The following HIPK1 variants were observed in gnomAD, a reference collection of about 807,000 sequenced individuals.
HIPK1 encodes the protein homeodomain-interacting protein kinase 1.
In HIPK1, 28 loss-of-function variants were observed where a neutral mutation model predicts 117.1. The observed-to-expected ratio is 0.24, with a 90% CI of 0.18 to 0.33. HIPK1 has a LOEUF of 0.33. HIPK1 is among the 10% of genes least tolerant of loss of function. The probability of loss-of-function intolerance (pLI) is 1.00; values close to 1 mark genes in which losing one functional copy is unlikely to be tolerated. For synonymous variants in HIPK1, 605 were observed against 562.5 expected, an observed-to-expected ratio of 1.08 and a Z score of -1.07; for missense variants, 1,122 against 1,475.1, an observed-to-expected ratio of 0.76 and a Z score of 3.92.
At chr1:113,938,053 G>A (rs1462878290) in intron 1 of HIPK1, among the ~76,000 whole-genome samples, 1 of 151,514 alleles carries the variant, frequency 6.6e-6, no homozygotes, top group East Asian at 1.9e-4. Context: ...TAGCCTCAAT[G>A]TCCCAGACTC....
chr1:113,952,717 C>T, intron 2 of HIPK1, 49 bp from the exon 3 acceptor site: 1 of 1,308,190 alleles, frequency 7.6e-7, no homozygotes, highest in Non-Finnish European at 1.0e-6. Context: ...GTTAATTTTC[C>T]CAAATAATGT....
At chr1:113,960,702 T>C (rs1050979944) in intron 8 of HIPK1, among the ~76,000 whole-genome samples, 13 of 152,238 alleles carry the variant, frequency 8.5e-5, no homozygotes, top group Non-Finnish European at 1.5e-5. Flanking sequence ...GAAGCATGGC[T>C]GGCAACTTTT....
intron 5 of HIPK1, among the ~76,000 whole-genome samples, 158 bp from the exon 6 acceptor site, chr1:113,956,469 C>T (rs936139417): frequency 6.6e-6 from 1 of 152,170 alleles, no homozygotes; most frequent in African/African-American, 2.4e-5. Context: ...AAAGAGCTTC[C>T]TCCTCTGAAA....
intron 3 of HIPK1, chr1:113,953,865 C>G (rs1261575345): frequency 2.0e-5 from 3 of 151,888 alleles, no homozygotes; most frequent in Non-Finnish European, 4.4e-5. Flanking sequence ...GATGTAAGCT[C>G]CTTGAGGGTA....
intron 2 of HIPK1, among the ~76,000 whole-genome samples, chr1:113,949,515 C>G (rs1671207330): frequency 6.6e-6 from 1 of 152,070 alleles, no homozygotes; most frequent in Admixed American, 6.6e-5. Flanking sequence ...TGAGATTTCA[C>G]TGAACTCTGA....
intron 7 of HIPK1, among the ~76,000 whole-genome samples, chr1:113,957,651 C>T (rs1671813477): frequency 6.6e-6 from 1 of 152,124 alleles, no homozygotes; most frequent in Non-Finnish European, 1.5e-5. Context: ...CAGTCATTAA[C>T]TTTAAGGGTG....
Position 113,968,309 on chromosome 1 carries a change from A to G in HIPK1, c.2565-133A>G, listed in dbSNP as rs900788320. The G allele has an allele frequency of 7.1e-6, 5 of 700,930 alleles. No homozygotes were observed. The African/African-American group carries it at 7.2e-5, about 10-fold the overall frequency. The allele number at this position is 700,930 out of a possible 1,614,324, so 43.4% of individuals were successfully genotyped here. A position where few individuals can be genotyped will look rare whatever the true frequency, so the allele number is the denominator to read the frequency against. On this transcript the variant is annotated intron_variant, in intron 12 of 15. Coordinates refer to ENST00000426820, the MANE Select transcript of HIPK1 (RefSeq NM_198268.3). ...GGTGCTTATTTTCACTGGAACTTAT[A>G]TAGTTAAATGTATTTGCTTAATGAT... is the stretch of plus-strand genomic sequence containing the variant.
rs1202978818 is a variant in HIPK1, at chr1:113,956,712, T to C, written c.1493T>C (p.Met498Thr). Residue 498 changes from methionine (M) to threonine (T), a missense_variant, in exon 6 of 16, where the codon ATG becomes ACG. Transcript: ENST00000426820. ...RREYIDLLKK[M>T]LTIDADKRIT... ...GAATACATTGATCTGTTAAAGAAAA[T>C]GCTCACAATTGATGCAGATAAGAGA... is the stretch of plus-strand genomic sequence containing the variant. 6.2e-7 allele frequency: 1 copy of C among 1,613,860 alleles called. No homozygotes were observed. Among genetic ancestry groups the C allele is most frequent in the Non-Finnish European group, 8.5e-7 (1 of 1,179,870 alleles).
Position 113,973,985 on chromosome 1 carries a change from T to C in HIPK1, c.*473T>C, listed in dbSNP as rs1673009872. 6.5e-6 allele frequency: 1 copy of C among 152,876 alleles called. No homozygotes were observed. Among genetic ancestry groups the C allele is most frequent in the Non-Finnish European group, 1.5e-5 (1 of 68,402 alleles). 9.5% of individuals were successfully genotyped at this position (152,876 alleles called of 1,614,324 possible). On this transcript the variant is annotated 3_prime_UTR_variant, in exon 16 of 16. Transcript: ENST00000426820. ...GATGACAAAAAAAGAAAAATTACTT[T>C]TTGTTTGTTTATAAACTCAGACTTG...
intron 2 of HIPK1, among the ~76,000 whole-genome samples, chr1:113,948,886 G>A (rs1290330659): frequency 6.6e-6 from 1 of 152,032 alleles, no homozygotes; most frequent in African/African-American, 2.4e-5. Flanking sequence ...CGCCCAGTCT[G>A]GAGTGAATTG....
At chr1:113,957,373 T>C in intron 7 of HIPK1, 87 bp downstream of exon 7, 1 of 1,070,126 alleles carries the variant, frequency 9.3e-7, no homozygotes, top group Non-Finnish European at 1.3e-6. Flanking sequence ...CCAATTTTTG[T>C]TTTGGTGGTC....
At chr1:113,967,478 G>C (rs1230715369) in intron 11 of HIPK1, among the ~76,000 whole-genome samples, 1 of 152,128 alleles carries the variant, frequency 6.6e-6, no homozygotes, top group Non-Finnish European at 1.5e-5. Flanking sequence ...AATGATCAGA[G>C]ATGTTGAGCA....
At chr1:113,968,076 A>T in intron 12 of HIPK1, 128 bp downstream of exon 12, 1 of 779,960 alleles carries the variant, frequency 1.3e-6, no homozygotes, top group Non-Finnish European at 2.0e-6. Context: ...ATTGAGGAAG[A>T]GCAAATCATT....
chr1:113,951,770 G>A lies in HIPK1; in HGVS notation c.1077-996G>A, dbSNP rs1671374823. ...TTATAGATGAGGAACCTGAGGCACA[G>A]AGAGATCAAGTAATATACCTGCAGC... On this transcript the variant is annotated intron_variant, in intron 2 of 15. Coordinates refer to ENST00000426820, the MANE Select transcript of HIPK1 (RefSeq NM_198268.3). 3.9e-5 allele frequency among the ~76,000 whole-genome samples: 6 copies of A among 152,292 alleles called. No individual in the cohort carries two copies. In the South Asian group the frequency reaches 1.2e-3, roughly 32 times the overall value.
At chr1:113,933,899 C>G (rs886369183) in intron 1 of HIPK1, among the ~76,000 whole-genome samples, 1 of 151,938 alleles carries the variant, frequency 6.6e-6, no homozygotes, top group African/African-American at 2.4e-5. Flanking sequence ...TTGGAGGAAA[C>G]CAGTTAAGCT....
At chr1:113,953,429 G>A (rs750641411) in intron 3 of HIPK1, among the ~76,000 whole-genome samples, 3 of 152,278 alleles carry the variant, frequency 2.0e-5, no homozygotes, top group African/African-American at 4.8e-5. Flanking sequence ...AGGAGATATG[G>A]TATAATTTCC....
intron 8 of HIPK1, among the ~76,000 whole-genome samples, chr1:113,961,911 C>G (rs1672139921): frequency 7.2e-6 from 1 of 139,688 alleles, no homozygotes; most frequent in South Asian, 2.2e-4. Context: ...TCACTGCACT[C>G]CAGCCTGGGT....
Position 113,971,915 on chromosome 1 carries a change from CG to C in HIPK1, c.3111del (p.Thr1038ProfsTer162). On this transcript the variant is annotated frameshift_variant, in exon 15 of 16. Coordinates refer to ENST00000426820, the MANE Select transcript of HIPK1 (RefSeq NM_198268.3). LOFTEE classifies it high-confidence loss of function. ...CCCCCACAGGGTATCGAGCTCAACG[CG>C]GGGGGACCAGTGCAGCACAACCACT... is the stretch of plus-strand genomic sequence containing the variant. Reference protein sequence around the residue: ...ITPTGYRAQRGGTSAAQPLNL... With the variant: ...ITPTGYRAQRXGTSAAQPLNL... 1.2e-6 allele frequency: 2 copies of C among 1,608,056 alleles called. No homozygotes were observed. The highest frequency in any genetic ancestry group is 2.2e-5 in the East Asian group (1 of 44,696).
In HIPK1 at chr1:113,973,178, C is replaced by T. The variant is rs200630271; in HGVS notation, c.3299C>T (p.Pro1100Leu). ...LHSTGHPHLAPAPAHLPSQAH... is the reference protein window; with the variant it reads ...LHSTGHPHLALAPAHLPSQAH... ...TCGACAGGGCACCCACACCTTGCCC[C>T]GGCCCCTGCTCACCTGCCAAGCCAG... Residue 1100 changes from proline to leucine, a missense_variant, in exon 16 of 16, where the codon CCG (proline) becomes CTG (leucine). By Grantham distance (98) the Pro-to-Leu change is moderately conservative. Around this residue, in one of 6 missense-constraint regions of HIPK1, gnomAD observed 731 missense variants for 860.4 expected, o/e 0.85. Transcript: ENST00000426820. 1.6e-5 allele frequency: 25 copies of T among 1,610,558 alleles called. No individual in the cohort carries two copies. In the East Asian group the frequency reaches 3.8e-4, roughly 24 times the overall value.
Sources: gnomAD v4.1 joint callset for allele counts (sites outside exome capture counted in the v4.1 genomes callset) on GRCh38, gnomAD v4.1.1 for gene constraint, gnomAD v4.1.1 regional missense constraint, MANE v1.5 for transcripts, NCBI Gene and HGNC (gene_info 2026-07-23, HGNC 2026-07-21) for gene names.